Variants in SRPK2 observed in about 807,000 individuals in gnomAD.
SRPK2 encodes SFRS protein kinase 2.
In SRPK2, 21 loss-of-function variants were observed where a neutral mutation model predicts 90.8. The ratio of observed to expected loss-of-function variants is 0.23; its 90% CI spans 0.16 to 0.33. The LOEUF (loss-of-function observed/expected upper bound fraction) is 0.33. SRPK2 is among the 10% of genes least tolerant of loss of function. The pLI is 1.00. For missense variants in SRPK2, 620 were observed against 869.0 expected (o/e 0.71, Z 3.60); for synonymous variants, 288 against 311.1 (o/e 0.93, Z 0.78).
intron 2 of SRPK2, among the ~76,000 whole-genome samples, chr7:105,340,309 G>A (rs531772966): frequency 6.6e-6 from 1 of 151,676 alleles, no homozygotes; most frequent in South Asian, 2.1e-4. Flanking sequence ...AGCTAAAGCA[G>A]TCAATTTTTT....
At chr7:105,161,427 A>G (rs1460161100) in intron 6 of SRPK2, among the ~76,000 whole-genome samples, 1 of 152,244 alleles carries the variant, frequency 6.6e-6, no homozygotes, top group Non-Finnish European at 1.5e-5. Context: ...ACTCTGTGCC[A>G]TATATTATTT....
intron 2 of SRPK2, among the ~76,000 whole-genome samples, chr7:105,300,860 G>C (rs926085538): frequency 6.6e-6 from 1 of 152,126 alleles, no homozygotes; most frequent in Non-Finnish European, 1.5e-5. Context: ...AAAATATCAA[G>C]AAACAACAGG....
chr7:105,150,243 C>T (rs1402360616), intron 7 of SRPK2, among the ~76,000 whole-genome samples: 4 of 152,168 alleles, frequency 2.6e-5, no homozygotes, highest in African/African-American at 7.2e-5. Flanking sequence ...ATGTCAAGGC[C>T]GGGCTCAGCC....
chr7:105,343,566 C>G (rs1414044849), intron 2 of SRPK2, among the ~76,000 whole-genome samples: 19 of 152,214 alleles, frequency 1.2e-4, no homozygotes, highest in Admixed American at 1.2e-3. Flanking sequence ...CAATCCTCCA[C>G]CAGAATATAG....
At chr7:105,390,166 T>C (rs910445769), upstream of SRPK2, among the ~76,000 whole-genome samples, 2 of 152,174 alleles carry the variant, frequency 1.3e-5, no homozygotes, top group African/African-American at 4.8e-5. Context: ...ACATATCTAC[T>C]AAGAATAAAG....
At chr7:105,217,676 AG>A (rs1797629267) in intron 2 of SRPK2, among the ~76,000 whole-genome samples, 1 of 152,230 alleles carries the variant, frequency 6.6e-6, no homozygotes, top group Admixed American at 6.5e-5. Flanking sequence ...CCAAGTATAG[AG>A]AATATTCCTT....
intron 7 of SRPK2, among the ~76,000 whole-genome samples, chr7:105,149,123 A>G (rs1222088758): frequency 5.9e-5 from 9 of 152,162 alleles, no homozygotes; most frequent in Admixed American, 1.3e-4. Flanking sequence ...AAAAGAGGAA[A>G]GCCTCTTGCA....
intron 1 of SRPK2, among the ~76,000 whole-genome samples, chr7:105,397,975 A>C (rs549763558): frequency 6.1e-4 from 93 of 152,182 alleles, no homozygotes; most frequent in Non-Finnish European, 1.2e-3. Context: ...TAAGATAAAT[A>C]ATGTAATGAG....
chr7:105,200,939 G>C (rs1254822852), intron 3 of SRPK2, among the ~76,000 whole-genome samples: 3 of 152,222 alleles, frequency 2.0e-5, no homozygotes, highest in Non-Finnish European at 4.4e-5. Flanking sequence ...CTGAATAGTA[G>C]TGAAGTATCA....
At chr7:105,244,621 G>A in intron 2 of SRPK2, 1 of 686,286 alleles carries the variant, frequency 1.5e-6, no homozygotes, top group South Asian at 1.6e-5. Flanking sequence ...CAGCCCCAGC[G>A]CGCCAGGGCC....
rs761819877 is a variant in SRPK2 at position 105,203,695 on chromosome 7, C to T, written c.162G>A (p.Pro54=). Residue 54 remains proline, a synonymous_variant, in exon 3 of 16, where the codon CCG becomes CCA. Coordinates refer to ENST00000393651, the MANE Select transcript of SRPK2 (RefSeq NM_182692.3). ...PPPPLPDPTP[P]EPEEEILGSD... ...ATCCCAGGATCTCCTCCTCTGGCTC[C>T]GGGGGTGTGGGGTCTGGCAAAGGTG... The T allele has an allele frequency of 5.7e-6, 8 of 1,392,292 alleles. No homozygotes were observed. Among genetic ancestry groups the T allele is most frequent in the East Asian group, 3.5e-5 (1 of 28,402 alleles). The allele number at this position is 1,392,292 out of a possible 1,614,324, so 86.2% of individuals were successfully genotyped here. A position where few individuals can be genotyped will look rare whatever the true frequency, so the allele number is the denominator to read the frequency against.
At chr7:105,220,675 G>C (rs1040007492) in intron 2 of SRPK2, among the ~76,000 whole-genome samples, 3 of 152,044 alleles carry the variant, frequency 2.0e-5, no homozygotes, top group African/African-American at 4.8e-5. Context: ...ACCACCAAAA[G>C]AATCTAAAAC....
At chr7:105,294,514 TTTGTTTTG>T (rs981489393) in intron 2 of SRPK2, among the ~76,000 whole-genome samples, 1 of 12,916 alleles carries the variant, frequency 7.7e-5, no homozygotes, top group Non-Finnish European at 1.3e-4. Context: ...TTGCTGTTTT[TTTGTTTTG>T]TTTTGTTTTG....
chr7:105,173,926 T>TG (rs1471908165), intron 3 of SRPK2, among the ~76,000 whole-genome samples: 1 of 150,760 alleles, frequency 6.6e-6, no homozygotes, highest in African/African-American at 2.4e-5. Flanking sequence ...GTTGGTGTTT[T>TG]TTTTTTTTTT....
intron 2 of SRPK2, among the ~76,000 whole-genome samples, chr7:105,304,638 T>G (rs551144348): frequency 1.3e-5 from 2 of 152,338 alleles, no homozygotes; most frequent in East Asian, 3.9e-4. Flanking sequence ...GATTTTGTCT[T>G]AACTGTTCAT....
At chr7:105,374,044 C>T (rs577361231) in intron 2 of SRPK2, among the ~76,000 whole-genome samples, 2 of 152,204 alleles carry the variant, frequency 1.3e-5, no homozygotes, top group Admixed American at 1.3e-4. Context: ...TCTCCTGTCT[C>T]AGCCTCCCAA....
At chr7:105,164,630 T>A (rs1808237132) in intron 6 of SRPK2, among the ~76,000 whole-genome samples, 2 of 152,206 alleles carry the variant, frequency 1.3e-5, no homozygotes, top group African/African-American at 2.4e-5. Flanking sequence ...GAAATAAAGT[T>A]TATATTCTTT....
chr7:105,244,373 C>T (rs1801276099), intron 2 of SRPK2, among the ~76,000 whole-genome samples: 1 of 152,188 alleles, frequency 6.6e-6, no homozygotes, highest in Non-Finnish European at 1.5e-5. Flanking sequence ...AATTCAATAC[C>T]AGCCTGGCCA....
chr7:105,235,715 T>A (rs186018401), intron 2 of SRPK2, among the ~76,000 whole-genome samples: 1 of 152,080 alleles, frequency 6.6e-6, no homozygotes, highest in East Asian at 1.9e-4. Flanking sequence ...ACAAAACAGG[T>A]GTTAAAATAT....
Sources: gnomAD v4.1 joint callset for allele counts (sites outside exome capture counted in the v4.1 genomes callset) on GRCh38, gnomAD v4.1.1 for gene constraint, MANE v1.5 for transcripts, NCBI Gene and HGNC (gene_info 2026-07-23, HGNC 2026-07-21) for gene names.